The following MYO1E variants were observed in gnomAD, a reference collection of about 807,000 sequenced individuals.
MYO1E encodes myosin IE.
In MYO1E, 68 loss-of-function variants were observed where a neutral mutation model predicts 151.1. That is an observed-to-expected ratio of 0.45 (90% CI 0.37 to 0.55). The LOEUF (loss-of-function observed/expected upper bound fraction) is 0.55. Among genes scored for constraint, MYO1E ranks in the 20% least tolerant of loss-of-function variants. The pLI is 0.00. For missense variants in MYO1E, 1,363 were observed against 1,389.3 expected (o/e 0.98, Z 0.30); for synonymous variants, 601 against 501.7 (o/e 1.20, Z -2.64).
intron 1 of MYO1E, among the ~76,000 whole-genome samples, chr15:59,370,965 T>C (rs2080940929): frequency 6.6e-6 from 1 of 152,030 alleles, no homozygotes; most frequent in African/African-American, 2.4e-5. Context: ...ACATGCCCAA[T>C]GGGAATGGTT....
intron 26 of MYO1E, among the ~76,000 whole-genome samples, chr15:59,150,968 A>G (rs1332835011): frequency 2.2e-5 from 3 of 139,530 alleles, no homozygotes; most frequent in African/African-American, 7.7e-5. Context: ...GGATATAGCT[A>G]CTTACCCAAG....
intron 23 of MYO1E, among the ~76,000 whole-genome samples, chr15:59,162,287 T>C (rs1482217203): frequency 5.9e-5 from 9 of 152,122 alleles, no homozygotes. Flanking sequence ...TCAGCAAATA[T>C]GAGATTAGAG....
chr15:59,217,925 G>A lies in MYO1E; in HGVS notation c.1073C>T (p.Ala358Val). The change falls in exon 10 of 28, where the codon GCC becomes GTC. Residue 358 changes from alanine (A) to valine (V), a missense_variant. Coordinates refer to ENST00000288235, the MANE Select transcript of MYO1E (RefSeq NM_004998.4). ...GAAATCAAAGACCCGGGCGTGCAGG[G>A]CCTTGGCGAGCGCATCCCGGGTGTA... Reference protein sequence around the residue: ...ACYTRDALAKALHARVFDFLV... With the variant: ...ACYTRDALAKVLHARVFDFLV... 1.2e-6 allele frequency: 2 copies of A among 1,614,194 alleles called. No homozygotes were observed. Among genetic ancestry groups the A allele is most frequent in the Non-Finnish European group, 1.7e-6 (2 of 1,180,034 alleles).
At chr15:59,227,411 T>A in intron 7 of MYO1E, 48 bp downstream of exon 7, 1 of 1,609,596 alleles carries the variant, frequency 6.2e-7, no homozygotes. Context: ...AATATTTTAA[T>A]GTAGAGAAGG....
At chr15:59,202,834 C>T (rs748222797) in intron 15 of MYO1E, among the ~76,000 whole-genome samples, 2 of 152,110 alleles carry the variant, frequency 1.3e-5, no homozygotes, top group African/African-American at 4.8e-5. Flanking sequence ...CTCGACCTCC[C>T]AGACTCAAGC....
chr15:59,267,228 T>C (rs560423789), intron 2 of MYO1E, among the ~76,000 whole-genome samples: 1 of 151,736 alleles, frequency 6.6e-6, no homozygotes, highest in African/African-American at 2.4e-5. Flanking sequence ...GTTTTCACCA[T>C]GTTGGCCAAG....
At chr15:59,142,576 T>C (rs1295993351) in intron 26 of MYO1E, among the ~76,000 whole-genome samples, 1 of 152,168 alleles carries the variant, frequency 6.6e-6, no homozygotes. Context: ...GCTCAGCTGT[T>C]ATTAGTTCGC....
intron 1 of MYO1E, among the ~76,000 whole-genome samples, chr15:59,362,705 T>C (rs1238541466): frequency 6.6e-6 from 1 of 152,254 alleles, no homozygotes; most frequent in Non-Finnish European, 1.5e-5. Flanking sequence ...AACAGCCCTA[T>C]TATTTTTTCA....
At chr15:59,154,621 G>C (rs1368092383) in intron 25 of MYO1E, among the ~76,000 whole-genome samples, 1 of 152,158 alleles carries the variant, frequency 6.6e-6, no homozygotes, top group Non-Finnish European at 1.5e-5. Flanking sequence ...CAAATTAAGA[G>C]AACTCTTTGG....
intron 25 of MYO1E, among the ~76,000 whole-genome samples, chr15:59,156,270 C>T (rs550575525): frequency 6.6e-6 from 1 of 152,300 alleles, no homozygotes; most frequent in East Asian, 1.9e-4. Context: ...CTGCAATCTC[C>T]ACCTCCCGGG....
At chr15:59,342,917 G>A (rs117067474) in intron 1 of MYO1E, among the ~76,000 whole-genome samples, 2 of 152,044 alleles carry the variant, frequency 1.3e-5, no homozygotes, top group Admixed American at 6.6e-5. Flanking sequence ...CTATAATTTT[G>A]TCTCCCCACT....
chr15:59,233,169 T>C (rs2080038849), intron 5 of MYO1E, among the ~76,000 whole-genome samples: 1 of 152,168 alleles, frequency 6.6e-6, no homozygotes, highest in African/African-American at 2.4e-5. Flanking sequence ...TCAGCTTCTC[T>C]CAGGAAGAGA....
chr15:59,357,339 C>G (rs1393712917), intron 1 of MYO1E, among the ~76,000 whole-genome samples: 1 of 151,778 alleles, frequency 6.6e-6, no homozygotes, highest in Non-Finnish European at 1.5e-5. Context: ...TGAAAAGTAA[C>G]TGATCAGAAG....
At chr15:59,245,796 G>T (rs973612186) in intron 4 of MYO1E, among the ~76,000 whole-genome samples, 5 of 152,252 alleles carry the variant, frequency 3.3e-5, no homozygotes, top group Non-Finnish European at 7.3e-5. Flanking sequence ...CCATGGGTCA[G>T]TTGGCAAGGG....
At chr15:59,252,341 C>A (rs1353504708) in intron 4 of MYO1E, among the ~76,000 whole-genome samples, 1 of 151,994 alleles carries the variant, frequency 6.6e-6, no homozygotes, top group African/African-American at 2.4e-5. Context: ...CCAGCACTTT[C>A]GGAAGCTGAG....
intron 2 of MYO1E, among the ~76,000 whole-genome samples, chr15:59,263,993 T>C (rs1320307386): frequency 6.6e-6 from 1 of 152,288 alleles, no homozygotes; most frequent in South Asian, 2.1e-4. Context: ...ATTAAACACA[T>C]ATACATTTAC....
At chr15:59,196,697 G>A (rs559064358) in intron 16 of MYO1E, among the ~76,000 whole-genome samples, 1 of 152,186 alleles carries the variant, frequency 6.6e-6, no homozygotes, top group Non-Finnish European at 1.5e-5. Flanking sequence ...CTGTTTAGAT[G>A]TGCAGGAAAT....
chr15:59,173,950 A>G (rs1364246052), intron 20 of MYO1E, 35 bp from the exon 21 acceptor site: 3 of 1,608,762 alleles, frequency 1.9e-6, no homozygotes, highest in South Asian at 1.1e-5. Flanking sequence ...TGGAAGAAGG[A>G]TAAGTCAGTC....
intron 1 of MYO1E, among the ~76,000 whole-genome samples, chr15:59,342,179 T>C (rs2080769612): frequency 6.6e-6 from 1 of 152,244 alleles, no homozygotes; most frequent in Non-Finnish European, 1.5e-5. Flanking sequence ...ATGTCTTCTT[T>C]TGAGAAATGT....
Sources: allele counts gnomAD v4.1 joint callset (sites outside exome capture counted in the v4.1 genomes callset), GRCh38; gene constraint gnomAD v4.1.1; transcripts MANE v1.5; gene names NCBI Gene and HGNC (gene_info 2026-07-23, HGNC 2026-07-21).